The following WWOX variants were observed in gnomAD, a reference collection of about 807,000 sequenced individuals.
The protein encoded by WWOX is WW domain-containing oxidoreductase.
A neutral mutation model predicts 46.2 loss-of-function variants in WWOX; 69 were observed. The ratio of observed to expected loss-of-function variants is 1.49; its 90% confidence interval spans 1.23 to 1.82. The LOEUF is 1.82. Among genes scored for constraint, WWOX ranks in the 40% most tolerant of loss-of-function variants. The probability of loss-of-function intolerance (pLI) is 0.00; values close to 1 mark genes in which losing one functional copy is unlikely to be tolerated. For synonymous variants in WWOX, 359 were observed against 202.6 expected (o/e 1.77, Z -6.56); for missense variants, 919 against 542.6 (o/e 1.69, Z -6.89).
chr16:78,410,757 G>C (rs754450974), intron 6 of WWOX, among the ~76,000 whole-genome samples: 2 of 139,392 alleles, frequency 1.4e-5, no homozygotes, highest in Non-Finnish European at 3.0e-5. Flanking sequence ...GGTCAACTGA[G>C]ATCACACCAC....
chr16:78,505,464 C>A (rs1465173220), intron 8 of WWOX, among the ~76,000 whole-genome samples: 1 of 152,120 alleles, frequency 6.6e-6, no homozygotes. Context: ...AATCATCTTA[C>A]TTTTTTAACG....
chr16:79,050,623 T>G (rs547745330), intron 8 of WWOX, among the ~76,000 whole-genome samples: 1 of 152,244 alleles, frequency 6.6e-6, no homozygotes, highest in South Asian at 2.1e-4. Context: ...ACTGCACTTG[T>G]ATTTGAGTTG....
intron 8 of WWOX, among the ~76,000 whole-genome samples, chr16:78,945,870 C>A (rs1388061221): frequency 6.6e-6 from 1 of 152,108 alleles, no homozygotes; most frequent in Non-Finnish European, 1.5e-5. Context: ...GATAAGGAGC[C>A]AGTCCTGGCT....
At chr16:78,377,435 T>C (rs373948636) in intron 5 of WWOX, among the ~76,000 whole-genome samples, 3 of 152,330 alleles carry the variant, frequency 2.0e-5, no homozygotes, top group Admixed American at 6.5e-5. Flanking sequence ...CTTCAACTTA[T>C]TGTACTCCTC....
chr16:79,029,154 G>T (rs1490812218), intron 8 of WWOX, among the ~76,000 whole-genome samples: 1 of 152,086 alleles, frequency 6.6e-6, no homozygotes, highest in Non-Finnish European at 1.5e-5. Flanking sequence ...ATGAAGGAGG[G>T]AGCCTACCTC....
intron 5 of WWOX, among the ~76,000 whole-genome samples, chr16:78,317,811 G>A (rs954764754): frequency 6.6e-6 from 1 of 152,152 alleles, no homozygotes; most frequent in Admixed American, 6.5e-5. Context: ...CAAGGACTTG[G>A]TGGAACCATG....
At chr16:78,695,493 G>C (rs929850664) in intron 8 of WWOX, among the ~76,000 whole-genome samples, 2 of 152,154 alleles carry the variant, frequency 1.3e-5, no homozygotes, top group African/African-American at 4.8e-5. Context: ...AGTAGGTCAT[G>C]GGGGCGGTTA....
intron 8 of WWOX, among the ~76,000 whole-genome samples, chr16:78,827,293 C>G (rs894149354): frequency 3.9e-5 from 6 of 152,170 alleles, no homozygotes; most frequent in Non-Finnish European, 8.8e-5. Context: ...GAGCTTCACG[C>G]AGATGACATC....
At chr16:78,397,766 C>G in intron 6 of WWOX, among the ~76,000 whole-genome samples, 1 of 152,178 alleles carries the variant, frequency 6.6e-6, no homozygotes, top group East Asian at 1.9e-4. Flanking sequence ...CTCAGGTGAT[C>G]CGCCCACCTC....
intron 5 of WWOX, among the ~76,000 whole-genome samples, chr16:78,306,050 A>G (rs1331011639): frequency 6.6e-6 from 1 of 152,124 alleles, no homozygotes; most frequent in African/African-American, 2.4e-5. Flanking sequence ...GTGTTTATAT[A>G]TAGACACCTG....
chr16:79,194,141 G>A (rs980329328), intron 8 of WWOX, among the ~76,000 whole-genome samples: 4 of 152,134 alleles, frequency 2.6e-5, no homozygotes, highest in Non-Finnish European at 4.4e-5. Context: ...TGCATATTAT[G>A]TAAGTGTAGC....
chr16:78,808,751 G>T (rs2051107832), intron 8 of WWOX, among the ~76,000 whole-genome samples: 1 of 152,126 alleles, frequency 6.6e-6, no homozygotes, highest in South Asian at 2.1e-4. Flanking sequence ...TGAGTAAATT[G>T]AGATGCGTAG....
At chr16:78,798,979 C>A (rs2050815693) in intron 8 of WWOX, among the ~76,000 whole-genome samples, 1 of 152,134 alleles carries the variant, frequency 6.6e-6, no homozygotes, top group South Asian at 2.1e-4. Context: ...TCTATTAATT[C>A]AGGAGCCGTA....
At chr16:78,903,452 T>C (rs1338751576) in intron 8 of WWOX, among the ~76,000 whole-genome samples, 2 of 152,182 alleles carry the variant, frequency 1.3e-5, no homozygotes, top group Non-Finnish European at 2.9e-5. Context: ...GTTACAAAGT[T>C]ACACTCCTAT....
rs546364297 is a variant in WWOX at position 78,694,756 on chromosome 16, T to C, written c.1056+262004T>C. ...CTCATAAGAACGCTTTATTGGAATATCAACTATTACAGCTTTTTGAAGTTA... is the reference window on the plus strand; with the variant it reads ...CTCATAAGAACGCTTTATTGGAATACCAACTATTACAGCTTTTTGAAGTTA... On this transcript the variant is annotated intron_variant, in intron 8 of 8. Transcript: ENST00000566780. Among the ~76,000 whole-genome samples the C allele has an allele frequency of 2.6e-5, 4 of 152,268 alleles. No individual in the cohort carries two copies. The East Asian group carries it at 7.7e-4, about 29-fold the overall frequency.
chr16:78,864,704 G>C (rs1261560843), intron 8 of WWOX, among the ~76,000 whole-genome samples: 1 of 147,936 alleles, frequency 6.8e-6, no homozygotes. Flanking sequence ...GATGAACAAT[G>C]GATCTTTGGT....
intron 8 of WWOX, among the ~76,000 whole-genome samples, chr16:78,839,307 T>C (rs2052074926): frequency 6.6e-6 from 1 of 152,040 alleles, no homozygotes. Context: ...AATGGAGAGG[T>C]TTTAAAATGT....
intron 8 of WWOX, among the ~76,000 whole-genome samples, chr16:78,604,460 T>A (rs543724571): frequency 3.9e-5 from 6 of 152,144 alleles, no homozygotes; most frequent in Non-Finnish European, 7.4e-5. Context: ...AAGAGAATTG[T>A]CATCTGTTAA....
At chr16:78,986,981 G>T (rs1023117317) in intron 8 of WWOX, among the ~76,000 whole-genome samples, 1 of 152,056 alleles carries the variant, frequency 6.6e-6, no homozygotes, top group African/African-American at 2.4e-5. Context: ...GAGGTACAGT[G>T]CACTTACCCA....
Sources: gnomAD v4.1 joint callset for allele counts (sites outside exome capture counted in the v4.1 genomes callset) on GRCh38, gnomAD v4.1.1 for gene constraint, MANE v1.5 for transcripts, NCBI Gene and HGNC (gene_info 2026-07-23, HGNC 2026-07-21) for gene names.